The following STXBP5L variants were observed in gnomAD, a reference collection of about 807,000 sequenced individuals.
STXBP5L encodes the protein syntaxin-binding protein 5-like.
A neutral mutation model predicts 144.5 loss-of-function variants in STXBP5L; 65 were observed. The observed-to-expected ratio is 0.45, with a 90% CI of 0.37 to 0.55. The LOEUF (loss-of-function observed/expected upper bound fraction) is 0.55, where lower values mean the gene tolerates loss of function less well. Ranked by LOEUF, STXBP5L falls within the 20% of genes least tolerant of loss-of-function variation. STXBP5L has a pLI of 0.00. For synonymous variants in STXBP5L, 505 were observed against 469.6 expected (o/e 1.08, Z -0.97); for missense variants, 1,298 against 1,405.5 (o/e 0.92, Z 1.22).
At chr3:121,234,556 C>T (rs1164939922) in intron 12 of STXBP5L, among the ~76,000 whole-genome samples, 1 of 152,160 alleles carries the variant, frequency 6.6e-6, no homozygotes, top group Non-Finnish European at 1.5e-5. Context: ...AGGCTGTAGG[C>T]TCCATGAAGG....
chr3:121,078,895 G>T (rs935745006), intron 5 of STXBP5L, among the ~76,000 whole-genome samples: 1 of 152,338 alleles, frequency 6.6e-6, no homozygotes, highest in South Asian at 2.1e-4. Context: ...CAGCTGGCCC[G>T]CAATTGCCAC....
chr3:121,282,270 CT>C (rs746125749), intron 19 of STXBP5L: 1 of 1,611,632 alleles, frequency 6.2e-7, no homozygotes, highest in Non-Finnish European at 8.5e-7. Flanking sequence ...CCAAAGACAA[CT>C]TTTGCATGCG....
chr3:121,181,482 C>T (rs2047150630), intron 9 of STXBP5L, among the ~76,000 whole-genome samples: 1 of 152,210 alleles, frequency 6.6e-6, no homozygotes, highest in Non-Finnish European at 1.5e-5. Flanking sequence ...GCCTGTAATC[C>T]CAGCACTTTG....
chr3:121,394,996 T>C (rs1182878345), intron 22 of STXBP5L, among the ~76,000 whole-genome samples: 1 of 152,226 alleles, frequency 6.6e-6, no homozygotes. Context: ...TGTCATTTTT[T>C]AGTGGCATGA....
chr3:121,145,482 CAT>C (rs959276620), intron 7 of STXBP5L, among the ~76,000 whole-genome samples: 1 of 151,876 alleles, frequency 6.6e-6, no homozygotes, highest in African/African-American at 2.4e-5. Flanking sequence ...TAATTTAAAA[CAT>C]GTCATCAAAT....
chr3:121,309,198 G>T (rs1448886383), intron 19 of STXBP5L, among the ~76,000 whole-genome samples: 1 of 151,804 alleles, frequency 6.6e-6, no homozygotes, highest in Non-Finnish European at 1.5e-5. Context: ...CCAATCAAAA[G>T]ACATAGATTG....
intron 19 of STXBP5L, 118 bp from the exon 20 acceptor site, chr3:121,318,357 C>T: frequency 5.8e-6 from 3 of 517,456 alleles, no homozygotes; most frequent in Non-Finnish European, 9.9e-6. Context: ...GTAACTTGGA[C>T]ATGATAAAGT....
intron 3 of STXBP5L, among the ~76,000 whole-genome samples, chr3:121,014,944 G>A (rs1398559838): frequency 1.3e-5 from 2 of 151,938 alleles, no homozygotes; most frequent in Non-Finnish European, 2.9e-5. Flanking sequence ...AGTACTTAGG[G>A]ATAATTGAAC....
chr3:121,114,650 A>G (rs1254287940), intron 5 of STXBP5L, among the ~76,000 whole-genome samples: 5 of 152,142 alleles, frequency 3.3e-5, no homozygotes, highest in Non-Finnish European at 7.4e-5. Context: ...TTTTTGTAAA[A>G]CAGAAATACA....
At chr3:121,207,798 A>C (rs1358588565) in intron 10 of STXBP5L, among the ~76,000 whole-genome samples, 1 of 151,326 alleles carries the variant, frequency 6.6e-6, no homozygotes, top group African/African-American at 2.4e-5. Flanking sequence ...ATCTCACACC[A>C]GTTAGAATGG....
At chr3:121,318,394 A>T in intron 19 of STXBP5L, 81 bp from the exon 20 acceptor site, 2 of 1,066,166 alleles carry the variant, frequency 1.9e-6, no homozygotes, top group Non-Finnish European at 2.6e-6. Context: ...AAAGCCTTTT[A>T]AACTTGTAGG....
chr3:121,392,572 T>C (rs1270683302), intron 22 of STXBP5L, among the ~76,000 whole-genome samples: 1 of 151,964 alleles, frequency 6.6e-6, no homozygotes, highest in Non-Finnish European at 1.5e-5. Flanking sequence ...TATATAGCAA[T>C]TGAAAGGAAT....
chr3:121,031,418 A>ATCAT (rs1560027748), intron 3 of STXBP5L, among the ~76,000 whole-genome samples: 1 of 151,432 alleles, frequency 6.6e-6, no homozygotes, highest in Non-Finnish European at 1.5e-5. Context: ...CAATCAATCA[A>ATCAT]CTATCTAGAT....
intron 3 of STXBP5L, among the ~76,000 whole-genome samples, chr3:120,987,594 G>T (rs1470700956): frequency 6.6e-6 from 1 of 151,688 alleles, no homozygotes; most frequent in Non-Finnish European, 1.5e-5. Context: ...ACTTGACAGG[G>T]TTCTTCACAG....
intron 3 of STXBP5L, among the ~76,000 whole-genome samples, chr3:120,979,940 C>CA (rs1559945890): frequency 6.6e-6 from 1 of 151,988 alleles, no homozygotes; most frequent in African/African-American, 2.4e-5. Context: ...TCATTTGTTT[C>CA]AAAAAAATTT....
intron 11 of STXBP5L, among the ~76,000 whole-genome samples, chr3:121,226,196 T>G (rs1414010690): frequency 6.6e-6 from 1 of 152,212 alleles, no homozygotes; most frequent in Admixed American, 6.5e-5. Flanking sequence ...AATAATTGGC[T>G]GTTTTACCTT....
chr3:121,145,239 G>T (rs937818062), intron 7 of STXBP5L, among the ~76,000 whole-genome samples: 4 of 151,714 alleles, frequency 2.6e-5, no homozygotes, highest in Non-Finnish European at 5.9e-5. Context: ...AATCCCACCA[G>T]CACATTAAAA....
intron 18 of STXBP5L, among the ~76,000 whole-genome samples, chr3:121,272,680 C>A (rs2050765841): frequency 6.6e-6 from 1 of 152,044 alleles, no homozygotes; most frequent in Admixed American, 6.6e-5. Flanking sequence ...TTAATGGATT[C>A]TTTGTCCTTC....
intron 19 of STXBP5L, among the ~76,000 whole-genome samples, chr3:121,313,823 G>A (rs1471897323): frequency 4.2e-5 from 6 of 144,074 alleles, no homozygotes; most frequent in African/African-American, 1.5e-4. Flanking sequence ...GGACGGAGGG[G>A]CTCCTCACTT....
Sources: allele counts gnomAD v4.1 joint callset (sites outside exome capture counted in the v4.1 genomes callset), GRCh38; gene constraint gnomAD v4.1.1; transcripts MANE v1.5; gene names NCBI Gene and HGNC (gene_info 2026-07-23, HGNC 2026-07-21).